SLC44A5: variants seen among roughly 807,000 people sequenced by gnomAD.
SLC44A5 encodes the protein choline transporter-like protein 5.
A neutral mutation model predicts 101.8 loss-of-function variants in SLC44A5; 57 were observed. The observed-to-expected ratio is 0.56, with a 90% CI of 0.45 to 0.70. SLC44A5 has a LOEUF of 0.70. Among genes scored for constraint, SLC44A5 ranks in the 30% least tolerant of loss-of-function variants. The pLI is 0.00. For synonymous variants in SLC44A5, 281 were observed against 290.9 expected, an observed-to-expected ratio of 0.97 and a Z score of 0.35; for missense variants, 737 against 853.1, an observed-to-expected ratio of 0.86 and a Z score of 1.70.
At position 75,585,396 on chromosome 1, in the gene SLC44A5, C is replaced by G. The variant is rs141044391; in HGVS notation, c.-70+25644G>C. 1.5e-3 allele frequency among the ~76,000 whole-genome samples: 223 copies of G among 152,192 alleles called. 2 individuals are homozygous for G. Among genetic ancestry groups the G allele is most frequent in the Middle Eastern group, 0.01 (3 of 294 alleles). ...TTCAGTTTTATACTATATCAAAAAC[C>G]ATAGTCAAATTATGCATCCTCTCGA... On this transcript the variant is annotated intron_variant, in intron 1 of 23. Coordinates refer to ENST00000370859, the MANE Select transcript of SLC44A5 (RefSeq NM_001130058.2).
At chr1:75,399,539 C>A (rs12077647) in intron 2 of SLC44A5, among the ~76,000 whole-genome samples, 3,703 of 152,136 alleles carry the variant, frequency 0.024, 141 homozygotes, top group African/African-American at 0.078. Context: ...GGATTAGACC[C>A]TGATTTGGAC....
intron 2 of SLC44A5, among the ~76,000 whole-genome samples, chr1:75,538,635 G>A (rs897036194): frequency 6.6e-6 from 1 of 152,164 alleles, no homozygotes; most frequent in Non-Finnish European, 1.5e-5. Context: ...AAGAAGGAAC[G>A]AATTGAGGCA....
At chr1:75,495,848 G>A (rs531522367) in intron 2 of SLC44A5, among the ~76,000 whole-genome samples, 1 of 152,022 alleles carries the variant, frequency 6.6e-6, no homozygotes, top group South Asian at 2.1e-4. Flanking sequence ...TATACTTAAG[G>A]GGTACATAAG....
chr1:75,501,007 C>T (rs1302751756), intron 2 of SLC44A5, among the ~76,000 whole-genome samples: 1 of 152,116 alleles, frequency 6.6e-6, no homozygotes, highest in Non-Finnish European at 1.5e-5. Context: ...ACACAATATG[C>T]TTAAGGCAAA....
the SLC44A5 span, among the ~76,000 whole-genome samples, chr1:75,685,188 A>G: frequency 2.0e-5 from 3 of 152,178 alleles, no homozygotes; most frequent in Non-Finnish European, 4.4e-5. Context: ...GCACAAAGCC[A>G]CAAAGCACTG....
chr1:75,619,643 G>A, the SLC44A5 span, among the ~76,000 whole-genome samples: 1 of 152,112 alleles, frequency 6.6e-6, no homozygotes, highest in South Asian at 2.1e-4. Flanking sequence ...GTGTCCATGT[G>A]TCTGTTTTTA....
At chr1:75,241,911 C>A in intron 9 of SLC44A5, 90 bp downstream of exon 9, 1 of 1,168,476 alleles carries the variant, frequency 8.6e-7, no homozygotes, top group Non-Finnish European at 1.3e-6. Context: ...CATTCTTGGC[C>A]TCAGTCTCAT....
intron 3 of SLC44A5, among the ~76,000 whole-genome samples, chr1:75,372,065 C>T (rs1660262390): frequency 6.6e-6 from 1 of 151,998 alleles, no homozygotes; most frequent in South Asian, 2.1e-4. Flanking sequence ...GGCATGTTGG[C>T]ACATGCCTGT....
At chr1:75,279,577 A>G (rs1415858877) in intron 5 of SLC44A5, among the ~76,000 whole-genome samples, 2 of 152,192 alleles carry the variant, frequency 1.3e-5, no homozygotes, top group Non-Finnish European at 2.9e-5. Flanking sequence ...TGTAGTTTAC[A>G]ATGCAGCAAT....
At chr1:75,525,988 G>T (rs1163915232) in intron 2 of SLC44A5, among the ~76,000 whole-genome samples, 1 of 152,108 alleles carries the variant, frequency 6.6e-6, no homozygotes, top group Non-Finnish European at 1.5e-5. Context: ...ATCCAAAAAG[G>T]TACGTTTAAT....
intron 2 of SLC44A5, among the ~76,000 whole-genome samples, chr1:75,454,015 T>C (rs1666048906): frequency 6.6e-6 from 1 of 152,020 alleles, no homozygotes; most frequent in Non-Finnish European, 1.5e-5. Flanking sequence ...TCCCATAAAA[T>C]TGAGGGAGAG....
chr1:75,476,019 C>A (rs1175694939), intron 2 of SLC44A5, among the ~76,000 whole-genome samples: 1 of 152,086 alleles, frequency 6.6e-6, no homozygotes, highest in African/African-American at 2.4e-5. Flanking sequence ...TCTGTCTCTA[C>A]TAAAAATACA....
chr1:75,393,196 AT>A (rs1259957282), intron 3 of SLC44A5, among the ~76,000 whole-genome samples: 2 of 152,202 alleles, frequency 1.3e-5, no homozygotes, highest in Admixed American at 6.6e-5. Flanking sequence ...ATAGAAAAAT[AT>A]CTAAACACTG....
intron 2 of SLC44A5, among the ~76,000 whole-genome samples, chr1:75,423,187 T>C (rs548028421): frequency 9.2e-5 from 14 of 152,308 alleles, no homozygotes; most frequent in African/African-American, 3.1e-4. Context: ...TGAATACCTA[T>C]AGCAATTTCT....
At chr1:75,303,231 T>TTTTG (rs199575450) in intron 4 of SLC44A5, among the ~76,000 whole-genome samples, 4 of 151,980 alleles carry the variant, frequency 2.6e-5, no homozygotes, top group Admixed American at 1.3e-4. Flanking sequence ...AATGGAAGGT[T>TTTTG]TTTGTTTGTT....
chr1:75,249,682 G>A (rs1007231776), intron 7 of SLC44A5, among the ~76,000 whole-genome samples: 2 of 152,158 alleles, frequency 1.3e-5, no homozygotes, highest in African/African-American at 4.8e-5. Flanking sequence ...TTCTGTCCAT[G>A]TTACCATTGT....
At chr1:75,613,448 G>A (rs1179188087), upstream of SLC44A5, among the ~76,000 whole-genome samples, 1 of 152,058 alleles carries the variant, frequency 6.6e-6, no homozygotes, top group African/African-American at 2.4e-5. Flanking sequence ...CAACTTTCTG[G>A]GTTTGCTTCT....
chr1:75,655,169 T>C, the SLC44A5 span, among the ~76,000 whole-genome samples: 33 of 152,284 alleles, frequency 2.2e-4, no homozygotes, highest in African/African-American at 7.0e-4. Context: ...AAATGACTAA[T>C]GACAAAAGTT....
At chr1:75,491,832 A>G (rs1668441956) in intron 2 of SLC44A5, among the ~76,000 whole-genome samples, 1 of 152,182 alleles carries the variant, frequency 6.6e-6, no homozygotes, top group South Asian at 2.1e-4. Flanking sequence ...GCTTGTTTCT[A>G]AAGAAAGGTT....
Sources: gnomAD v4.1 joint callset for allele counts (sites outside exome capture counted in the v4.1 genomes callset) on GRCh38, gnomAD v4.1.1 for gene constraint, MANE v1.5 for transcripts, NCBI Gene and HGNC (gene_info 2026-07-23, HGNC 2026-07-21) for gene names.